The following COMMD9 variants were observed in gnomAD, a reference collection of about 807,000 sequenced individuals.
COMMD9 encodes the protein COMM domain containing 9.
Under a neutral mutation model 23.4 loss-of-function variants are expected in COMMD9, and 22 were observed. The observed-to-expected ratio is 0.94, with a 90% CI of 0.67 to 1.34. The LOEUF is 1.34. COMMD9 is among the 40% of genes most tolerant of loss of function. COMMD9 has a pLI of 0.00. For missense variants in COMMD9, 231 were observed against 240.2 expected, an observed-to-expected ratio of 0.96 and a Z score of 0.25; for synonymous variants, 99 against 97.4, an observed-to-expected ratio of 1.02 and a Z score of -0.10.
intron 1 of COMMD9, 105 bp downstream of exon 1, chr11:36,289,257 A>C: frequency 1.9e-6 from 2 of 1,074,990 alleles, no homozygotes; most frequent in Non-Finnish European, 2.7e-6. Flanking sequence ...AACAAGCAGC[A>C]GAGTTGTGGC....
intron 2 of COMMD9, among the ~76,000 whole-genome samples, chr11:36,279,783 C>T (rs1427945654): frequency 1.3e-5 from 2 of 152,152 alleles, no homozygotes; most frequent in Non-Finnish European, 2.9e-5. Context: ...TTCTACAGCT[C>T]ACTTCAATAA....
At chr11:36,286,436 AAAG>A (rs1856159390) in intron 1 of COMMD9, among the ~76,000 whole-genome samples, 3 of 96,956 alleles carry the variant, frequency 3.1e-5, no homozygotes, top group African/African-American at 1.4e-4. Context: ...GAAAGAAAGA[AAAG>A]AAAAAAAAAA....
In COMMD9 at chr11:36,280,831, AG is replaced by A; in HGVS notation, c.57del (p.Ser20ArgfsTer20). 6.3e-7 allele frequency: 1 copy of A among 1,581,366 alleles called. No individual in the cohort carries two copies. Among genetic ancestry groups the A allele is most frequent in the Non-Finnish European group, 8.6e-7 (1 of 1,164,302 alleles). On this transcript the variant is annotated frameshift_variant, in exon 2 of 6. Transcript: ENST00000263401. LOFTEE classifies it high-confidence loss of function. ...FAALQSLLKA[S>X]SKDVVRQLCQ... ...CACAGCTGTCTGACAACATCTTTCG[AG>A]GAGGCCTATGAATTAAATCACAGAT... is the stretch of plus-strand genomic sequence containing the variant.
At chr11:36,276,272 T>C (rs753623884) in intron 4 of COMMD9, 32 bp from the exon 5 acceptor site, 4 of 1,480,956 alleles carry the variant, frequency 2.7e-6, no homozygotes, top group Middle Eastern at 1.7e-4. Flanking sequence ...TCAATGCTCA[T>C]GCCGCCCGTG....
intron 1 of COMMD9, among the ~76,000 whole-genome samples, chr11:36,287,184 T>C (rs189413940): frequency 0.33 from 2 of 6 alleles, no homozygotes; most frequent in African/African-American, 0.5. Flanking sequence ...GTATGTATAC[T>C]ACATACTATG....
At position 36,278,521 on chromosome 11, in the gene COMMD9, G is replaced by A. The variant is rs372725960; in HGVS notation, c.273C>T (p.His91=). ...AILALFPENF[H]QNLKNLLTKI... is the part of the protein sequence containing the mutation. ...TTGTCAGCAGGTTTTTGAGGTTTTGGTGGAAATTTTCTGGAAAGAGAGCCA... is the reference window on the plus strand; with the variant it reads ...TTGTCAGCAGGTTTTTGAGGTTTTGATGGAAATTTTCTGGAAAGAGAGCCA... The change falls in exon 3 of 6, where the codon CAC becomes CAT. Residue 91 remains histidine, a synonymous_variant. Transcript: ENST00000263401. The A allele has an allele frequency of 1.2e-6, 2 of 1,613,938 alleles. No individual in the cohort carries two copies. The highest frequency in any genetic ancestry group is 2.7e-5 in the African/African-American group (2 of 74,932).
chr11:36,288,245 G>C (rs939846115), intron 1 of COMMD9, among the ~76,000 whole-genome samples: 1 of 151,906 alleles, frequency 6.6e-6, no homozygotes, highest in East Asian at 1.9e-4. Flanking sequence ...AATGAACACT[G>C]AGAAGGCAAT....
rs1275490667 is a variant in COMMD9 at position 36,289,401 on chromosome 11, C to T, written c.12G>A (p.Leu4=). Residue 4 remains leucine (L), a synonymous_variant, in exon 1 of 6, where the codon CTG becomes CTA. Transcript: ENST00000263401. ...GGAGTGCTGCAAAATGCTCCGCTGTCAGGGCAGCCATCTTGCCGAAGTCAC... is the reference window on the plus strand; with the variant it reads ...GGAGTGCTGCAAAATGCTCCGCTGTTAGGGCAGCCATCTTGCCGAAGTCAC... MAA[L]TAEHFAALQS... 1.3e-6 allele frequency: 2 copies of T among 1,552,042 alleles called. No individual in the cohort carries two copies. Among genetic ancestry groups the T allele is most frequent in the Non-Finnish European group, 1.7e-6 (2 of 1,147,172 alleles).
chr11:36,276,306 C>G, intron 4 of COMMD9, 66 bp from the exon 5 acceptor site: 1 of 1,168,814 alleles, frequency 8.6e-7, no homozygotes, highest in Non-Finnish European at 1.3e-6. Context: ...TATTGTACGA[C>G]AGGCGGCTCT....
chr11:36,283,467 C>A (rs1856099134), intron 1 of COMMD9, among the ~76,000 whole-genome samples: 1 of 152,108 alleles, frequency 6.6e-6, no homozygotes, highest in Non-Finnish European at 1.5e-5. Flanking sequence ...AGTTTCTATA[C>A]TTCGCCCTAA....
At chr11:36,287,898 T>C (rs1176562983) in intron 1 of COMMD9, among the ~76,000 whole-genome samples, 1 of 152,178 alleles carries the variant, frequency 6.6e-6, no homozygotes, top group Admixed American at 6.5e-5. Context: ...GTTACATTGG[T>C]GTGTAATAAA....
intron 1 of COMMD9, among the ~76,000 whole-genome samples, chr11:36,288,921 T>C (rs1856219293): frequency 6.6e-6 from 1 of 151,758 alleles, no homozygotes; most frequent in Non-Finnish European, 1.5e-5. Context: ...TCAAAGAGAG[T>C]AGGGAAAATC....
At chr11:36,278,736 G>T in intron 2 of COMMD9, 120 bp from the exon 3 acceptor site, 2 of 972,152 alleles carry the variant, frequency 2.1e-6, no homozygotes, top group Non-Finnish European at 1.5e-6. Flanking sequence ...TCATTCAACT[G>T]AGTCACAAGT....
intron 2 of COMMD9, among the ~76,000 whole-genome samples, chr11:36,279,008 G>A (rs1442086921): frequency 6.6e-6 from 1 of 152,152 alleles, no homozygotes; most frequent in Non-Finnish European, 1.5e-5. Flanking sequence ...ACACTGCATT[G>A]GTCCAAGGCT....
At chr11:36,282,668 A>G (rs967219012) in intron 1 of COMMD9, among the ~76,000 whole-genome samples, 2 of 152,262 alleles carry the variant, frequency 1.3e-5, no homozygotes, top group African/African-American at 4.8e-5. Flanking sequence ...CTAAACAGAT[A>G]TGAAACAATG....
At chr11:36,285,088 A>G (rs896772032) in intron 1 of COMMD9, among the ~76,000 whole-genome samples, 1 of 152,164 alleles carries the variant, frequency 6.6e-6, no homozygotes, top group East Asian at 1.9e-4. Context: ...TTCTTTGACA[A>G]TGTCAATAAA....
chr11:36,275,363 A>G (rs1350186626), intron 5 of COMMD9, among the ~76,000 whole-genome samples: 1 of 152,210 alleles, frequency 6.6e-6, no homozygotes, highest in Non-Finnish European at 1.5e-5. Flanking sequence ...GAAAATAACT[A>G]TAAAATGAAG....
At chr11:36,278,453 G>C (rs1242248776) in intron 3 of COMMD9, 24 bp downstream of exon 3, 2 of 1,590,570 alleles carry the variant, frequency 1.3e-6, no homozygotes, top group Non-Finnish European at 1.7e-6. Flanking sequence ...AGTTAGAAGG[G>C]ACTTTCAAGA....
intron 1 of COMMD9, among the ~76,000 whole-genome samples, chr11:36,288,301 G>A (rs1206976743): frequency 6.6e-6 from 1 of 150,436 alleles, no homozygotes; most frequent in Non-Finnish European, 1.5e-5. Flanking sequence ...TACATGGACC[G>A]ATGATGATGA....
Sources: allele counts gnomAD v4.1 joint callset (sites outside exome capture counted in the v4.1 genomes callset), GRCh38; gene constraint gnomAD v4.1.1; transcripts MANE v1.5; gene names NCBI Gene and HGNC (gene_info 2026-07-23, HGNC 2026-07-21).